The following BABAM1 variants were observed in gnomAD, a reference collection of about 807,000 sequenced individuals.
The protein encoded by BABAM1 is BRISC and BRCA1-A complex member 1.
In BABAM1, 14 loss-of-function variants were observed where a neutral mutation model predicts 34.4. The observed-to-expected ratio is 0.41, with a 90% CI of 0.27 to 0.64. The LOEUF (loss-of-function observed/expected upper bound fraction) is 0.64. Ranked by LOEUF, BABAM1 falls within the 30% of genes least tolerant of loss-of-function variation. The probability of loss-of-function intolerance (pLI) is 0.34; values close to 1 mark genes in which losing one functional copy is unlikely to be tolerated. For missense variants in BABAM1, 393 were observed against 434.0 expected (o/e 0.91, Z 0.84); for synonymous variants, 169 against 165.8 (o/e 1.02, Z -0.15).
intron 7 of BABAM1, 44 bp from the exon 8 acceptor site, chr19:17,276,779 G>T (rs1248510000): frequency 1.9e-6 from 3 of 1,573,270 alleles, no homozygotes; most frequent in African/African-American, 2.7e-5. Flanking sequence ...GGGGCACGGG[G>T]TGACCCAAGC....
chr19:17,273,985 C>T lies in BABAM1; in HGVS notation c.426C>T (p.His142=), dbSNP rs747465722. The change falls in exon 4 of 9, where the codon CAC becomes CAT. Residue 142 remains histidine (H), a synonymous_variant. Coordinates refer to ENST00000598188, the MANE Select transcript of BABAM1 (RefSeq NM_014173.4). ...CAAAACACAAGATCGACAAAAGCCA[C>T]GAGTTTGCACTGGTGGTGGTGAACG... ...VRTKHKIDKS[H]EFALVVVNDD... is the part of the protein sequence containing the mutation. 1.1e-5 allele frequency: 18 copies of T among 1,613,834 alleles called. No homozygotes were observed. The highest frequency in any genetic ancestry group is 1.6e-4 in the Middle Eastern group (1 of 6,084).
chr19:17,277,504 C>T (rs147556385), intron 8 of BABAM1: 1 of 153,694 alleles, frequency 6.5e-6, no homozygotes, highest in African/African-American at 2.4e-5. Context: ...GACCCGCTCC[C>T]TCTTCCCTTT....
chr19:17,276,339 G>C (rs1469243433), intron 6 of BABAM1, 156 bp from the exon 7 acceptor site: 1 of 1,171,960 alleles, frequency 8.5e-7, no homozygotes. Flanking sequence ...CAGGGCAGAG[G>C]GAACCGCTTA....
At chr19:17,270,911 C>T (rs2073833397) in intron 2 of BABAM1, among the ~76,000 whole-genome samples, 1 of 151,536 alleles carries the variant, frequency 6.6e-6, no homozygotes, top group African/African-American at 2.4e-5. Flanking sequence ...AGGATGGTCT[C>T]GATCTCCTGA....
At position 17,268,882 on chromosome 19, in the gene BABAM1, C is replaced by A; in HGVS notation, c.76C>A (p.Arg26Ser). The A allele has an allele frequency of 6.3e-7, 1 of 1,596,402 alleles. No homozygotes were observed. The highest frequency in any genetic ancestry group is 8.5e-7 in the Non-Finnish European group (1 of 1,172,360). ...GGAGCACTCGGCAGAGCCTCGGCCCCGCACTCGCTCCAATCCTGAAGGGGC... is the reference window on the plus strand; with the variant it reads ...GGAGCACTCGGCAGAGCCTCGGCCCAGCACTCGCTCCAATCCTGAAGGGGC... ...EEEHSAEPRP[R>S]TRSNPEGAED... Residue 26 changes from arginine to serine, a missense_variant, in exon 2 of 9, where the codon CGC becomes AGC. By Grantham distance (110) the Arg-to-Ser change is moderately radical. Transcript: ENST00000598188.
rs757440172 is a variant in BABAM1, at chr19:17,268,991, G to C, written c.185G>C (p.Ser62Thr). The C allele has an allele frequency of 5.1e-6, 8 of 1,582,566 alleles. No homozygotes were observed. In the South Asian group the frequency reaches 5.8e-5, roughly 11 times the overall value. ...EGEAASADDG[S>T]LNTSGAGPKS... ...GAGGCCGCCAGTGCTGATGATGGGA[G>C]CCTCAACACTTCAGGAGCCGGCCCT... is the stretch of plus-strand genomic sequence containing the variant. The change falls in exon 2 of 9, where the codon AGC becomes ACC. Residue 62 changes from serine to threonine, a missense_variant. By Grantham distance (58) the Ser-to-Thr change is moderately conservative. Transcript: ENST00000598188.
rs2073876593 is a variant in BABAM1 at position 17,273,900 on chromosome 19, C to T, written c.345-4C>T. 1.9e-6 allele frequency: 3 copies of T among 1,604,700 alleles called. No homozygotes were observed. Among genetic ancestry groups the T allele is most frequent in the Non-Finnish European group, 1.7e-6 (2 of 1,175,938 alleles). On this transcript the variant is annotated splice_polypyrimidine_tract_variant and splice_region_variant and intron_variant, in intron 3 of 8. Transcript: ENST00000598188. ...TAATTCCCCTGTACTCTCTGCCTCC[C>T]CAGCTCCAAAACCAACGCCCTCAAT...
Position 17,276,627 on chromosome 19 carries a change from G to A in BABAM1, c.699+3G>A. The A allele has an allele frequency of 6.2e-7, 1 of 1,602,130 alleles. No homozygotes were observed. Among genetic ancestry groups the A allele is most frequent in the South Asian group, 1.1e-5 (1 of 88,728 alleles). The stretch of plus-strand genomic sequence containing the variant: ...TCTCCTTGACGGAGCCCATGAAGGT[G>A]GGTGAGGCCTGGGAGAGGGAGGGGT... On this transcript the variant is annotated splice_donor_region_variant and intron_variant, in intron 7 of 8. Coordinates refer to ENST00000598188, the MANE Select transcript of BABAM1 (RefSeq NM_014173.4).
In BABAM1 at chr19:17,268,925, G is replaced by T. The variant is rs774464830; in HGVS notation, c.119G>T (p.Gly40Val). Residue 40 changes from glycine to valine, a missense_variant, in exon 2 of 9, where the codon GGG becomes GTG. Physicochemically the swap from Gly to Val is moderately radical, Grantham distance 109. Coordinates refer to ENST00000598188, the MANE Select transcript of BABAM1 (RefSeq NM_014173.4). ...GAAGGGGCTGAGGACCGGGCAGTAG[G>T]GGCACAGGCCAGCGTGGGCAGCCGC... ...NPEGAEDRAV[G>V]AQASVGSRSE... The T allele has an allele frequency of 1.3e-6, 2 of 1,579,426 alleles. No individual in the cohort carries two copies. Among genetic ancestry groups the T allele is most frequent in the South Asian group, 2.3e-5 (2 of 86,830 alleles).
intron 8 of BABAM1, chr19:17,277,162 C>T: frequency 2.4e-6 from 1 of 413,862 alleles, no homozygotes; most frequent in Admixed American, 4.1e-5. Flanking sequence ...TCCCTGCGTT[C>T]CTTTCTTTCT....
At chr19:17,277,070 T>A (rs1408952650) in intron 8 of BABAM1, 161 bp downstream of exon 8, 1 of 677,678 alleles carries the variant, frequency 1.5e-6, no homozygotes, top group Non-Finnish European at 2.5e-6. Context: ...TTCCCAGTTG[T>A]CTGCTGTGAC....
chr19:17,269,727 A>ATT (rs1023530092), intron 2 of BABAM1, among the ~76,000 whole-genome samples: 6 of 138,012 alleles, frequency 4.3e-5, no homozygotes, highest in African/African-American at 1.1e-4. Context: ...TCTTTGCCCA[A>ATT]TTTTTTTTTT....
At chr19:17,274,230 T>C (rs528924022) in intron 5 of BABAM1, 45 bp downstream of exon 5, 27 of 1,599,626 alleles carry the variant, frequency 1.7e-5, no homozygotes, top group Non-Finnish European at 1.3e-5. Flanking sequence ...GGCTGTCTCC[T>C]TCTGTCATCC....
intron 2 of BABAM1, 111 bp downstream of exon 2, chr19:17,269,202 C>G (rs2145609336): frequency 7.7e-7 from 1 of 1,302,880 alleles, no homozygotes; most frequent in African/African-American, 1.5e-5. Flanking sequence ...GTGGCTGCCA[C>G]AAGTCACCGT....
intron 1 of BABAM1, among the ~76,000 whole-genome samples, chr19:17,268,115 T>G (rs571591814): frequency 2.2e-4 from 34 of 152,208 alleles, no homozygotes; most frequent in African/African-American, 8.2e-4. Flanking sequence ...TCTCTTTTCC[T>G]TGATGACACT....
chr19:17,276,286 G>A (rs1009475043), intron 6 of BABAM1: 13 of 678,066 alleles, frequency 1.9e-5, no homozygotes, highest in Non-Finnish European at 3.2e-5. Flanking sequence ...AGTGAGCCGA[G>A]ATCTCACCAT....
chr19:17,276,460 G>T (rs368476221), intron 6 of BABAM1, 35 bp from the exon 7 acceptor site: 33 of 1,572,396 alleles, frequency 2.1e-5, no homozygotes, highest in African/African-American at 2.7e-5. Context: ...ACCCCCACAG[G>T]CTGCTCTGAC....
chr19:17,270,994 T>TC (rs2073834604), intron 2 of BABAM1, among the ~76,000 whole-genome samples: 1 of 149,762 alleles, frequency 6.7e-6, no homozygotes, highest in African/African-American at 2.5e-5. Context: ...CTGGCCTCTT[T>TC]TTTTTTTTTT....
chr19:17,277,762 C>T (rs537630911), intron 8 of BABAM1, among the ~76,000 whole-genome samples: 1 of 152,270 alleles, frequency 6.6e-6, no homozygotes, highest in African/African-American at 2.4e-5. Context: ...GCCTGTGGTC[C>T]CAGCTGCTCG....
Sources: gnomAD v4.1 joint callset for allele counts (sites outside exome capture counted in the v4.1 genomes callset) on GRCh38, gnomAD v4.1.1 for gene constraint, MANE v1.5 for transcripts, NCBI Gene and HGNC (gene_info 2026-07-23, HGNC 2026-07-21) for gene names.